Variants in PDE3B observed in about 807,000 individuals in gnomAD.
PDE3B encodes phosphodiesterase 3B.
A neutral mutation model predicts 116.8 loss-of-function variants in PDE3B; 66 were observed. That is an observed-to-expected ratio of 0.56 (90% confidence interval 0.46 to 0.69). The LOEUF is 0.69. PDE3B is among the 30% of genes least tolerant of loss of function. The pLI, the probability that PDE3B is intolerant of heterozygous loss-of-function variation, is 0.00. For synonymous variants in PDE3B, 595 were observed against 533.6 expected, an observed-to-expected ratio of 1.12 and a Z score of -1.59; for missense variants, 1,384 against 1,368.1, an observed-to-expected ratio of 1.01 and a Z score of -0.18.
intron 1 of PDE3B, among the ~76,000 whole-genome samples, chr11:14,753,957 A>G (rs1857119835): frequency 6.6e-6 from 1 of 151,926 alleles, no homozygotes; most frequent in South Asian, 2.1e-4. Context: ...TTGTAATAAG[A>G]TAGAGTGAAT....
rs879700366 is a variant in PDE3B, at chr11:14,749,841, ATATT to A, written c.979-22088_979-22085del. 4.1e-3 allele frequency among the ~76,000 whole-genome samples: 540 copies of A among 130,794 alleles called. 5 individuals are homozygous for A. The highest frequency in any genetic ancestry group is 6.5e-3 in the Non-Finnish European group (405 of 62,028). 85.8% of individuals were successfully genotyped at this position (130,794 alleles called of 152,430 possible). A position where few individuals can be genotyped will look rare whatever the true frequency, so the allele number is the denominator to read the frequency against. ...CCTCCTATATCCCATAAATATATAT[ATATT>A]TATTTATATATATTTAAAATTTATA... On this transcript the variant is annotated intron_variant, in intron 1 of 15. Transcript: ENST00000282096.
At chr11:14,771,068 CA>C (rs1395122973) in intron 1 of PDE3B, among the ~76,000 whole-genome samples, 1 of 151,224 alleles carries the variant, frequency 6.6e-6, no homozygotes, top group East Asian at 1.9e-4. Context: ...GCCTGAAGGA[CA>C]AAAAACAACA....
the PDE3B span, among the ~76,000 whole-genome samples, chr11:14,881,245 A>G: frequency 6.6e-6 from 1 of 152,126 alleles, no homozygotes; most frequent in African/African-American, 2.4e-5. Flanking sequence ...ATGGTAGACA[A>G]TCAAGTAACT....
At chr11:14,833,705 G>T (rs985771988) in intron 10 of PDE3B, among the ~76,000 whole-genome samples, 3 of 152,142 alleles carry the variant, frequency 2.0e-5, no homozygotes, top group Non-Finnish European at 4.4e-5. Context: ...CCTCCATGTG[G>T]ACACATTTTT....
Position 14,832,714 on chromosome 11 carries a change from A to G in PDE3B, c.2095-8A>G. ...TTTAAAGTAAACTTTATTTTAATTG[A>G]CATTTAGGTTATGTATACCTTATTT... On this transcript the variant is annotated splice_polypyrimidine_tract_variant and splice_region_variant and intron_variant, in intron 9 of 15. Coordinates refer to ENST00000282096, the MANE Select transcript of PDE3B (RefSeq NM_000922.4). 1 of 966,754 alleles carries G rather than the reference A, an allele frequency of 1.0e-6. No homozygotes were observed. Among genetic ancestry groups the G allele is most frequent in the Non-Finnish European group, 1.6e-6 (1 of 635,800 alleles). The allele number at this position is 966,754 out of a possible 1,614,324, so 59.9% of individuals were successfully genotyped here. A position where few individuals can be genotyped will look rare whatever the true frequency, so the allele number is the denominator to read the frequency against.
intron 1 of PDE3B, among the ~76,000 whole-genome samples, chr11:14,695,266 T>TA (rs534990479): frequency 3.3e-4 from 50 of 152,244 alleles, no homozygotes; most frequent in Non-Finnish European, 6.8e-4. Context: ...TCCACATTGT[T>TA]ACGTTATCAC....
chr11:14,655,038 C>G (rs1277538789), intron 1 of PDE3B, among the ~76,000 whole-genome samples: 2 of 152,070 alleles, frequency 1.3e-5, no homozygotes, highest in Admixed American at 6.5e-5. Flanking sequence ...TACCACGAAT[C>G]ACAATAAATA....
At position 14,843,998 on chromosome 11, in the gene PDE3B, C is replaced by G. The variant is rs1187693846; in HGVS notation, c.2492C>G (p.Ala831Gly). The G allele has an allele frequency of 6.2e-7, 1 of 1,613,950 alleles. No individual in the cohort carries two copies. Among genetic ancestry groups the G allele is most frequent in the Admixed American group, 1.7e-5 (1 of 60,028 alleles). The change falls in exon 12 of 16, where the codon GCA becomes GGA. Residue 831 changes from alanine to glycine, a missense_variant. Around this residue, in one of 2 missense-constraint regions of PDE3B, gnomAD observed 428 missense variants for 561.4 expected, o/e 0.76. Transcript: ENST00000282096. ...TATGATCACCCAGGGAGGACAAATGCATTTCTAGTGGCTACAAATGCCCCT... is the reference window on the plus strand; with the variant it reads ...TATGATCACCCAGGGAGGACAAATGGATTTCTAGTGGCTACAAATGCCCCT... ...HDYDHPGRTN[A>G]FLVATNAPQA...
At chr11:14,789,534 T>C (rs1341161619) in intron 4 of PDE3B, among the ~76,000 whole-genome samples, 1 of 151,990 alleles carries the variant, frequency 6.6e-6, no homozygotes, top group Non-Finnish European at 1.5e-5. Context: ...TGGGGAAGTT[T>C]TTAAATCGAT....
chr11:14,735,958 T>TTGTGTGTGTGTGTGTG (rs59099319), intron 1 of PDE3B, among the ~76,000 whole-genome samples: 21 of 143,024 alleles, frequency 1.5e-4, no homozygotes, highest in East Asian at 1.2e-3. Context: ...GAATAATAGG[T>TTGTGTGTGTGTGTGTG]TGTGTGTGTG....
chr11:14,805,883 A>G (rs564379145), intron 5 of PDE3B, among the ~76,000 whole-genome samples: 2 of 152,346 alleles, frequency 1.3e-5, no homozygotes, highest in Admixed American at 1.3e-4. Context: ...CAACAGACAT[A>G]GGAAAAAATG....
At chr11:14,752,815 C>A (rs1251333757) in intron 1 of PDE3B, among the ~76,000 whole-genome samples, 1 of 151,992 alleles carries the variant, frequency 6.6e-6, no homozygotes, top group Non-Finnish European at 1.5e-5. Context: ...TGTCCTCCTG[C>A]CCCATTCTTA....
At chr11:14,645,939 C>T (rs117177656) in intron 1 of PDE3B, among the ~76,000 whole-genome samples, 146 of 152,260 alleles carry the variant, frequency 9.6e-4, no homozygotes, top group Non-Finnish European at 1.9e-3. Flanking sequence ...CTCAGATCCT[C>T]ACAAGAACGG....
chr11:14,829,283 A>T (rs1859798048), intron 7 of PDE3B, among the ~76,000 whole-genome samples: 1 of 152,104 alleles, frequency 6.6e-6, no homozygotes, highest in African/African-American at 2.4e-5. Context: ...ACAAACCTGC[A>T]CTTGTACCAC....
chr11:14,701,421 A>G (rs1275219442), intron 1 of PDE3B, among the ~76,000 whole-genome samples: 1 of 151,648 alleles, frequency 6.6e-6, no homozygotes, highest in Non-Finnish European at 1.5e-5. Flanking sequence ...TACTTTTTAA[A>G]TTTCCTTCAA....
At chr11:14,704,588 A>G (rs1418330447) in intron 1 of PDE3B, among the ~76,000 whole-genome samples, 1 of 151,758 alleles carries the variant, frequency 6.6e-6, no homozygotes, top group Admixed American at 6.6e-5. Context: ...ATTATGGACA[A>G]TAGACCCACA....
At chr11:14,895,056 C>T in the PDE3B span, among the ~76,000 whole-genome samples, 7 of 152,348 alleles carry the variant, frequency 4.6e-5, no homozygotes, top group South Asian at 6.2e-4. Flanking sequence ...CTTTCTGGGC[C>T]TTTGGGAACT....
intron 12 of PDE3B, among the ~76,000 whole-genome samples, chr11:14,850,957 T>C (rs1476493293): frequency 4.0e-5 from 6 of 150,892 alleles, no homozygotes; most frequent in Non-Finnish European, 7.4e-5. Context: ...GTCTTTGGAG[T>C]AGCTGGGACT....
chr11:14,661,597 C>G (rs923269021), intron 1 of PDE3B, among the ~76,000 whole-genome samples: 3 of 152,204 alleles, frequency 2.0e-5, no homozygotes, highest in African/African-American at 7.2e-5. Flanking sequence ...TCGGGTCACT[C>G]CCACCCTAAT....
Sources: gnomAD v4.1 joint callset for allele counts (sites outside exome capture counted in the v4.1 genomes callset) on GRCh38, gnomAD v4.1.1 for gene constraint, gnomAD v4.1.1 regional missense constraint, MANE v1.5 for transcripts, NCBI Gene and HGNC (gene_info 2026-07-23, HGNC 2026-07-21) for gene names.